The following IMMP2L variants were observed in gnomAD, a reference collection of about 807,000 sequenced individuals.
IMMP2L encodes mitochondrial inner membrane protease subunit 2.
Under a neutral mutation model 19.3 loss-of-function variants are expected in IMMP2L, and 18 were observed. The observed-to-expected ratio is 0.93, with a 90% CI of 0.64 to 1.38. The LOEUF (loss-of-function observed/expected upper bound fraction) is 1.38, where lower values mean the gene tolerates loss of function less well. Ranked by LOEUF, IMMP2L falls within the 40% of genes most tolerant of loss-of-function variation. The pLI, the probability that IMMP2L is intolerant of heterozygous loss-of-function variation, is 0.00. For missense variants in IMMP2L, 233 were observed against 218.2 expected (o/e 1.07, Z -0.43); for synonymous variants, 76 against 73.0 (o/e 1.04, Z -0.21).
At chr7:111,055,641 G>A (rs1429406523) in intron 3 of IMMP2L, among the ~76,000 whole-genome samples, 4 of 152,014 alleles carry the variant, frequency 2.6e-5, no homozygotes, top group African/African-American at 4.8e-5. Flanking sequence ...GCACTTCTTC[G>A]CCACTCTGCA....
intron 3 of IMMP2L, among the ~76,000 whole-genome samples, chr7:111,465,788 C>T (rs1040755082): frequency 6.6e-6 from 1 of 152,056 alleles, no homozygotes; most frequent in Admixed American, 6.6e-5. Context: ...GGATCTAGAA[C>T]TAGAAATACC....
At chr7:111,221,594 T>A (rs148041417) in intron 3 of IMMP2L, among the ~76,000 whole-genome samples, 259 of 152,024 alleles carry the variant, frequency 1.7e-3, no homozygotes, top group African/African-American at 5.1e-3. Flanking sequence ...ATGTGTATAA[T>A]CACATTACGG....
At chr7:111,133,780 C>T (rs543941132) in intron 3 of IMMP2L, among the ~76,000 whole-genome samples, 37 of 152,060 alleles carry the variant, frequency 2.4e-4, no homozygotes, top group African/African-American at 8.7e-4. Flanking sequence ...GACATAGGCA[C>T]ACTCTATACT....
chr7:110,781,972 C>T (rs1462109415), intron 5 of IMMP2L, among the ~76,000 whole-genome samples: 1 of 151,840 alleles, frequency 6.6e-6, no homozygotes, highest in Non-Finnish European at 1.5e-5. Flanking sequence ...AATTTAAAGC[C>T]TTTCCCTTTG....
intron 5 of IMMP2L, among the ~76,000 whole-genome samples, chr7:110,683,781 A>G (rs1487616573): frequency 6.6e-6 from 1 of 152,140 alleles, no homozygotes; most frequent in Non-Finnish European, 1.5e-5. Flanking sequence ...GGAAAAGTTA[A>G]GTTAATGGAG....
rs1442937443 is a variant in IMMP2L, at chr7:110,699,699, C to T, written c.409-35978G>A. 8.0e-5 allele frequency among the ~76,000 whole-genome samples: 12 copies of T among 149,348 alleles called. No homozygotes were observed. In the South Asian group the frequency reaches 1.1e-3, roughly 13 times the overall value. On this transcript the variant is annotated intron_variant, in intron 5 of 5. Transcript: ENST00000405709. ...AGGAGAATCACTTGAACCCAGGAGG[C>T]GAAGGTTGCAGTGAGCTGAGATTGC...
At chr7:111,495,497 G>A (rs150621303) in intron 2 of IMMP2L, among the ~76,000 whole-genome samples, 1 of 152,256 alleles carries the variant, frequency 6.6e-6, no homozygotes, top group African/African-American at 2.4e-5. Flanking sequence ...CAAAGACTAT[G>A]CTGAAGGATT....
chr7:110,669,507 C>T lies in IMMP2L; in HGVS notation c.409-5786G>A, dbSNP rs1245573038. Among the ~76,000 whole-genome samples the T allele has an allele frequency of 5.9e-5, 9 of 152,324 alleles. No individual in the cohort carries two copies. The South Asian group carries it at 1.0e-3, about 18-fold the overall frequency. ...TAATGCTCGACCAAAGATCTGAGCA[C>T]ACTGGCACAGCCAAGCTGACACATA... On this transcript the variant is annotated intron_variant, in intron 5 of 5. Transcript: ENST00000405709.
intron 3 of IMMP2L, among the ~76,000 whole-genome samples, chr7:111,352,806 G>A (rs1045885580): frequency 2.0e-5 from 3 of 152,014 alleles, no homozygotes; most frequent in East Asian, 1.9e-4. Flanking sequence ...TTGTGTGATC[G>A]GGTTTTCAGT....
Position 111,528,475 on chromosome 7 carries a change from A to G in IMMP2L, c.-2-7026T>C, listed in dbSNP as rs144883683. 8.7e-4 allele frequency among the ~76,000 whole-genome samples: 132 copies of G among 152,322 alleles called. 1 individual carries two copies. The highest frequency in any genetic ancestry group is 3.0e-3 in the African/African-American group (125 of 41,582). On this transcript the variant is annotated intron_variant, in intron 1 of 5. Transcript: ENST00000405709. Reference sequence around the variant, plus strand: ...TGCTTAAACTGAGAATATTTTTTAAATAAGCTTTCAGAATCAAGTGAAACC... The same window carrying G: ...TGCTTAAACTGAGAATATTTTTTAAGTAAGCTTTCAGAATCAAGTGAAACC...
chr7:111,466,827 C>CTATTTACATAG (rs536741623), intron 3 of IMMP2L, among the ~76,000 whole-genome samples: 116 of 152,182 alleles, frequency 7.6e-4, no homozygotes, highest in African/African-American at 2.4e-3. Flanking sequence ...AGTGTAACAA[C>CTATTTACATAG]TATTTACATA....
rs1794569586 is a variant in IMMP2L, at chr7:110,705,225, T to TA, written c.409-41505dup. 2.0e-5 allele frequency among the ~76,000 whole-genome samples: 3 copies of TA among 152,258 alleles called. No homozygotes were observed. The South Asian group carries it at 6.2e-4, about 32-fold the overall frequency. ...AAAGATAATCAAGAGTTGGCTAAAA[T>TA]ACCTCCAAAACCTCATCAAACAGTT... On this transcript the variant is annotated intron_variant, in intron 5 of 5. Coordinates refer to ENST00000405709, the MANE Select transcript of IMMP2L (RefSeq NM_032549.4).
chr7:111,166,773 A>G (rs1805866727), intron 3 of IMMP2L, among the ~76,000 whole-genome samples: 2 of 152,002 alleles, frequency 1.3e-5, no homozygotes, highest in Middle Eastern at 6.8e-3. Flanking sequence ...CAGTCATTCC[A>G]TGGTTTGAGG....
intron 3 of IMMP2L, among the ~76,000 whole-genome samples, chr7:111,409,225 G>C (rs1022717293): frequency 6.6e-6 from 1 of 151,322 alleles, no homozygotes. Flanking sequence ...TTTCATAATA[G>C]AAAGCCAATT....
intron 4 of IMMP2L, among the ~76,000 whole-genome samples, chr7:110,959,991 G>A (rs1563113014): frequency 6.6e-6 from 1 of 151,986 alleles, no homozygotes; most frequent in Non-Finnish European, 1.5e-5. Context: ...TTTTATGTCT[G>A]ATCAAGCATT....
rs1193440671 is a variant in IMMP2L at position 110,831,860 on chromosome 7, C to T, written c.408+54733G>A. The stretch of plus-strand genomic sequence containing the variant: ...GTCTAAAGTGTTTAGTGCTTTAAAA[C>T]AAACAGTGCTCTCAGACTTGTTAGA... On this transcript the variant is annotated intron_variant, in intron 5 of 5. Coordinates refer to ENST00000405709, the MANE Select transcript of IMMP2L (RefSeq NM_032549.4). Among the ~76,000 whole-genome samples the T allele has an allele frequency of 2.6e-5, 4 of 152,164 alleles. No individual in the cohort carries two copies. In the East Asian group the frequency reaches 7.7e-4, roughly 29 times the overall value.
chr7:111,325,225 A>G (rs1825183329), intron 3 of IMMP2L, among the ~76,000 whole-genome samples: 1 of 151,772 alleles, frequency 6.6e-6, no homozygotes, highest in Non-Finnish European at 1.5e-5. Flanking sequence ...GCTTTTTAAA[A>G]TAATGTTTAA....
intron 4 of IMMP2L, among the ~76,000 whole-genome samples, chr7:110,948,226 AT>A (rs1817450611): frequency 6.6e-6 from 1 of 152,138 alleles, no homozygotes; most frequent in Non-Finnish European, 1.5e-5. Flanking sequence ...TTCAATAAAC[AT>A]TTTCCAACTC....
At chr7:110,690,862 G>A (rs1793445002) in intron 5 of IMMP2L, among the ~76,000 whole-genome samples, 1 of 151,986 alleles carries the variant, frequency 6.6e-6, no homozygotes, top group Non-Finnish European at 1.5e-5. Flanking sequence ...TCATGGATTG[G>A]AAGAATCAAT....
Sources: allele counts gnomAD v4.1 joint callset (sites outside exome capture counted in the v4.1 genomes callset), GRCh38; gene constraint gnomAD v4.1.1; transcripts MANE v1.5; gene names NCBI Gene and HGNC (gene_info 2026-07-23, HGNC 2026-07-21).